The following DNAAF9 variants were observed in gnomAD, a reference collection of about 807,000 sequenced individuals.
DNAAF9 encodes dynein axonemal assembly factor 9, also known as shulin.
DNAAF9 carries 90 observed loss-of-function variants against 167.0 expected under a neutral mutation model. That is an observed-to-expected ratio of 0.54 (90% CI 0.45 to 0.64). The LOEUF (loss-of-function observed/expected upper bound fraction) is 0.64. Among genes scored for constraint, DNAAF9 ranks in the 30% least tolerant of loss-of-function variants. The pLI is 0.00. For missense variants in DNAAF9, 1,315 were observed against 1,442.2 expected (o/e 0.91, Z 1.43); for synonymous variants, 491 against 508.8 (o/e 0.96, Z 0.47).
chr20:3,271,796 T>A (rs912474688), intron 29 of DNAAF9, among the ~76,000 whole-genome samples: 2 of 151,962 alleles, frequency 1.3e-5, no homozygotes, highest in Non-Finnish European at 2.9e-5. Flanking sequence ...TTATTTTGTA[T>A]TTTTAGTAGA....
chr20:3,344,714 A>G (rs2070161078), intron 8 of DNAAF9, among the ~76,000 whole-genome samples: 1 of 152,198 alleles, frequency 6.6e-6, no homozygotes, highest in Non-Finnish European at 1.5e-5. Context: ...AAATGAAATC[A>G]TAGAATAAAA....
At chr20:3,258,521 G>A (rs927533355) in intron 33 of DNAAF9, among the ~76,000 whole-genome samples, 3 of 152,178 alleles carry the variant, frequency 2.0e-5, no homozygotes, top group Non-Finnish European at 4.4e-5. Context: ...TAAGTCGGCA[G>A]AGAAATTGGG....
intron 7 of DNAAF9, among the ~76,000 whole-genome samples, chr20:3,354,218 G>A (rs1272614982): frequency 5.9e-5 from 9 of 152,156 alleles, no homozygotes; most frequent in Admixed American, 4.6e-4. Context: ...TGTGCTTTCC[G>A]CTAGACATGC....
At chr20:3,366,793 T>C (rs1035268598) in intron 6 of DNAAF9, among the ~76,000 whole-genome samples, 3 of 151,572 alleles carry the variant, frequency 2.0e-5, no homozygotes, top group Non-Finnish European at 4.4e-5. Context: ...GGCATGGTGG[T>C]GTACCCCTGT....
intron 21 of DNAAF9, among the ~76,000 whole-genome samples, chr20:3,298,634 C>T (rs1181912762): frequency 6.6e-6 from 1 of 152,050 alleles, no homozygotes; most frequent in Non-Finnish European, 1.5e-5. Context: ...TTTTTTTCCC[C>T]TATACTGAAA....
chr20:3,369,194 T>G lies in DNAAF9; in HGVS notation c.612+4854A>C, dbSNP rs559249714. On this transcript the variant is annotated intron_variant, in intron 6 of 36. Transcript: ENST00000252032. The stretch of plus-strand genomic sequence containing the variant: ...GAAATGTCACGGACAGATTTAAGGG[T>G]TTTTTTTCCTCTTCCCATTCATACT... 3.3e-5 allele frequency among the ~76,000 whole-genome samples: 5 copies of G among 151,610 alleles called. No homozygotes were observed. The South Asian group carries it at 8.4e-4, about 25-fold the overall frequency.
chr20:3,298,226 A>T, intron 21 of DNAAF9, 51 bp from the exon 22 acceptor site: 3 of 1,499,116 alleles, frequency 2.0e-6, no homozygotes, highest in Non-Finnish European at 2.8e-6. Context: ...GCACAATTAC[A>T]GCACTCACAA....
intron 29 of DNAAF9, among the ~76,000 whole-genome samples, chr20:3,274,043 C>A (rs1163830037): frequency 6.6e-6 from 1 of 152,110 alleles, no homozygotes; most frequent in Non-Finnish European, 1.5e-5. Context: ...TCCCCTCATG[C>A]CACCCTGCTC....
rs536439348 is a variant in DNAAF9, at chr20:3,302,735, A to G, written c.1782+1705T>C. Among the ~76,000 whole-genome samples the G allele has an allele frequency of 2.0e-3, 310 of 152,272 alleles. 1 individual carries two copies. Among genetic ancestry groups the G allele is most frequent in the Non-Finnish European group, 3.1e-4 (21 of 68,032 alleles). On this transcript the variant is annotated intron_variant, in intron 21 of 36. Coordinates refer to ENST00000252032, the MANE Select transcript of DNAAF9 (RefSeq NM_001009984.3). ...TTTATATAACATTCTAGAAAATGCA[A>G]ACTAATATATAGGGACAAAAGCTAA...
At chr20:3,317,141 A>T (rs2069517368) in intron 17 of DNAAF9, among the ~76,000 whole-genome samples, 2 of 151,952 alleles carry the variant, frequency 1.3e-5, no homozygotes, top group South Asian at 4.2e-4. Flanking sequence ...GTGATCTGCC[A>T]GCCCCAGCCT....
chr20:3,273,492 A>C (rs2068628408), intron 29 of DNAAF9, among the ~76,000 whole-genome samples: 1 of 152,156 alleles, frequency 6.6e-6, no homozygotes, highest in Non-Finnish European at 1.5e-5. Context: ...CAGGAAGCTT[A>C]AGATCATGGT....
chr20:3,397,346 T>C (rs768222557), intron 1 of DNAAF9, among the ~76,000 whole-genome samples: 1 of 129,464 alleles, frequency 7.7e-6, no homozygotes, highest in East Asian at 2.2e-4. Flanking sequence ...TGAGACGGAG[T>C]CTCGCTCAGT....
At chr20:3,321,137 C>G (rs577847674) in intron 16 of DNAAF9, among the ~76,000 whole-genome samples, 1 of 152,316 alleles carries the variant, frequency 6.6e-6, no homozygotes, top group South Asian at 2.1e-4. Flanking sequence ...GAAAACGTTG[C>G]TCTGACTACT....
chr20:3,306,364 G>A (rs912987470), intron 20 of DNAAF9, among the ~76,000 whole-genome samples: 1 of 152,092 alleles, frequency 6.6e-6, no homozygotes, highest in African/African-American at 2.4e-5. Flanking sequence ...CCACATCAAG[G>A]GCAGATCCTC....
rs1362550717 is a variant in DNAAF9, at chr20:3,296,530, A to G, written c.2018+331T>C. 4 of 310,662 alleles carry G rather than the reference A, an allele frequency of 1.3e-5. No individual in the cohort carries two copies. The East Asian group carries it at 2.1e-4, about 16-fold the overall frequency. The allele number at this position is 310,662 out of a possible 1,614,324, so 19.2% of individuals were successfully genotyped here. A position where few individuals can be genotyped will look rare whatever the true frequency, so the allele number is the denominator to read the frequency against. On this transcript the variant is annotated intron_variant, in intron 23 of 36. Coordinates refer to ENST00000252032, the MANE Select transcript of DNAAF9 (RefSeq NM_001009984.3). ...CTAGCTGAGACTACAGGCATGTGCC[A>G]CCATACCCAGCTAATTTTTTATTTT...
At chr20:3,343,864 T>C (rs1298254494) in intron 8 of DNAAF9, 133 bp from the exon 9 acceptor site, 2 of 590,030 alleles carry the variant, frequency 3.4e-6, no homozygotes, top group Non-Finnish European at 6.0e-6. Context: ...TGTGTGCGTG[T>C]GTGCATGTGC....
chr20:3,322,679 T>C lies in DNAAF9; in HGVS notation c.1283A>G (p.His428Arg), dbSNP rs780850059. The C allele has an allele frequency of 5.6e-6, 9 of 1,613,084 alleles. No homozygotes were observed. The highest frequency in any genetic ancestry group is 6.8e-6 in the Non-Finnish European group (8 of 1,179,146). The change falls in exon 15 of 37, where the codon CAT (histidine) becomes CGT (arginine). Residue 428 changes from histidine (H) to arginine (R), a missense_variant. His to Arg is a conservative substitution (Grantham distance 29, BLOSUM62 0). Around this residue, in one of 2 missense-constraint regions of DNAAF9, gnomAD observed 981 missense variants for 1,012.5 expected, o/e 0.97. Transcript: ENST00000252032. ...KAALRSKMTF[H>R]IHAVNNQGRI... is the part of the protein sequence containing the mutation. ...TCCCTGATTATTCACAGCATGTATA[T>C]GAAAAGTCATCTTGGAGCTGTAGAC...
Position 3,250,536 on chromosome 20 carries a change from A to C in DNAAF9, c.*2036T>G, listed in dbSNP as rs889379350. 1.3e-5 allele frequency: 2 copies of C among 152,210 alleles called. No individual in the cohort carries two copies. The highest frequency in any genetic ancestry group is 4.8e-5 in the African/African-American group (2 of 41,450). The allele number at this position is 152,210 out of a possible 1,614,324, so 9.4% of individuals were successfully genotyped here. ...GTTTCATATTCAAGTTGAGGTAATC[A>C]CAGTTTTTTCTCTAAGAGGAGAGGA... is the stretch of plus-strand genomic sequence containing the variant. On this transcript the variant is annotated 3_prime_UTR_variant, in exon 37 of 37. Transcript: ENST00000252032.
chr20:3,304,555 A>G lies in DNAAF9; in HGVS notation c.1679-12T>C. 2 of 1,275,522 alleles carry G rather than the reference A, an allele frequency of 1.6e-6. No homozygotes were observed. Among genetic ancestry groups the G allele is most frequent in the South Asian group, 2.4e-5 (2 of 83,960 alleles). 79.0% of individuals were successfully genotyped at this position (1,275,522 alleles called of 1,614,324 possible). A position where few individuals can be genotyped will look rare whatever the true frequency, so the allele number is the denominator to read the frequency against. On this transcript the variant is annotated splice_polypyrimidine_tract_variant and intron_variant, in intron 20 of 36. Transcript: ENST00000252032. ...GAAATGAACATTCCCTGGAAGGAAAAGAGAGTTGGTCAGAGCTGGAGGGCT... is the reference window on the plus strand; with the variant it reads ...GAAATGAACATTCCCTGGAAGGAAAGGAGAGTTGGTCAGAGCTGGAGGGCT...
Sources: gnomAD v4.1 joint callset for allele counts (sites outside exome capture counted in the v4.1 genomes callset) on GRCh38, gnomAD v4.1.1 for gene constraint, gnomAD v4.1.1 regional missense constraint, MANE v1.5 for transcripts, NCBI Gene and HGNC (gene_info 2026-07-23, HGNC 2026-07-21) for gene names.